Variants in PCDH19 observed in about 807,000 individuals in gnomAD.
The protein encoded by PCDH19 is protocadherin 19, also known as protocadherin-19.
A neutral mutation model predicts 46.2 loss-of-function variants in PCDH19; 6 were observed. That is an observed-to-expected ratio of 0.13 (90% confidence interval 0.07 to 0.26). PCDH19 has a LOEUF of 0.26. Among genes scored for constraint, PCDH19 ranks in the 10% least tolerant of loss-of-function variants. The probability of loss-of-function intolerance (pLI) is 1.00; values close to 1 mark genes in which losing one functional copy is unlikely to be tolerated. For missense variants in PCDH19, 740 were observed against 972.3 expected, an observed-to-expected ratio of 0.76 and a Z score of 3.18; for synonymous variants, 481 against 415.7, an observed-to-expected ratio of 1.16 and a Z score of -1.91.
At chrX:100,360,994 T>C (rs938740534) in intron 3 of PCDH19, among the ~76,000 whole-genome samples, 2 of 111,733 alleles carry the variant, frequency 1.8e-5, no homozygotes, top group East Asian at 5.6e-4. Context: ...TGAGGGTGGG[T>C]TAGAATTTGA....
At chrX:100,321,957 T>C (rs1473145909) in intron 5 of PCDH19, among the ~76,000 whole-genome samples, 1 of 105,977 alleles carries the variant, frequency 9.4e-6, no homozygotes, top group Non-Finnish European at 1.9e-5. Context: ...ACCCGGCTAA[T>C]TTTTTGTATT....
At chrX:100,320,051 T>C (rs963742600) in intron 5 of PCDH19, among the ~76,000 whole-genome samples, 6 of 111,456 alleles carry the variant, frequency 5.4e-5, no homozygotes, top group Non-Finnish European at 5.7e-5. Context: ...GCTCAGAATG[T>C]TGAACAAAAG....
intron 4 of PCDH19, among the ~76,000 whole-genome samples, chrX:100,347,630 T>C (rs1245133199): frequency 1.8e-5 from 2 of 111,526 alleles, no homozygotes; most frequent in East Asian, 5.6e-4. Context: ...GGTAGATAGA[T>C]GTAAAAGAGG....
Position 100,296,529 on chromosome X carries a change from G to T in PCDH19, c.3195C>A (p.Val1065=), listed in dbSNP as rs781312992. Reference sequence around the variant, plus strand: ...AGCTCTTGAGGTGGAGGGGGGAGGTGACAGGGCTAATCGCCTCACAGCCAT... The same window carrying T: ...AGCTCTTGAGGTGGAGGGGGGAGGTTACAGGGCTAATCGCCTCACAGCCAT... ...AGNGCEAISP[V]TSPLHLKSSL... Residue 1065 remains valine (V), a synonymous_variant, in exon 6 of 6, where the codon GTC becomes GTA. Coordinates refer to ENST00000373034, the MANE Select transcript of PCDH19 (RefSeq NM_001184880.2). 11 of 1,209,033 alleles carry T rather than the reference G, an allele frequency of 9.1e-6. No individual in the cohort carries two copies. In the African/African-American group the frequency reaches 1.6e-4, roughly 17 times the overall value.
intron 3 of PCDH19, among the ~76,000 whole-genome samples, chrX:100,379,347 AC>A (rs1409042700): frequency 3.1e-4 from 20 of 65,261 alleles, no homozygotes; most frequent in African/African-American, 1.9e-3. Context: ...ACACACACAC[AC>A]ATTTCCTCCC....
intron 5 of PCDH19, among the ~76,000 whole-genome samples, chrX:100,313,901 A>ACACTCACACT (rs1555974555): frequency 2.0e-5 from 2 of 102,079 alleles, no homozygotes; most frequent in Non-Finnish European, 2.0e-5. Flanking sequence ...ACACACACAC[A>ACACTCACACT]CACACAAAGT....
rs138147352 is a variant in PCDH19, at chrX:100,404,105, C to T, written c.2148-441G>A. 3.0e-4 allele frequency among the ~76,000 whole-genome samples: 34 copies of T among 111,810 alleles called. No homozygotes were observed. The East Asian group carries it at 9.0e-3, about 30-fold the overall frequency. On this transcript the variant is annotated intron_variant, in intron 1 of 5. Coordinates refer to ENST00000373034, the MANE Select transcript of PCDH19 (RefSeq NM_001184880.2). Reference sequence around the variant, plus strand: ...GAATGCATTTCAGGAAGAGGTTCTGCGGAGGCTTAGAAAAAGAAACCTCTG... The same window carrying T: ...GAATGCATTTCAGGAAGAGGTTCTGTGGAGGCTTAGAAAAAGAAACCTCTG...
At chrX:100,399,557 G>T (rs1030783210) in intron 3 of PCDH19, among the ~76,000 whole-genome samples, 3 of 111,624 alleles carry the variant, frequency 2.7e-5, no homozygotes, top group Non-Finnish European at 5.7e-5. Flanking sequence ...GATTTCATTG[G>T]ACCTAAGTAT....
rs745902930 is a variant in PCDH19 at position 100,334,871 on chromosome X, T to C, written c.2848+7032A>G. 9.1e-3 allele frequency among the ~76,000 whole-genome samples: 996 copies of C among 109,603 alleles called. 6 individuals carry two copies. The highest frequency in any genetic ancestry group is 0.015 in the Non-Finnish European group (792 of 52,858). On this transcript the variant is annotated intron_variant, in intron 5 of 5. Coordinates refer to ENST00000373034, the MANE Select transcript of PCDH19 (RefSeq NM_001184880.2). ...ACATATATATGTCTGTATATATATA[T>C]ATATATGTTGGGAAACACAATATGC...
At chrX:100,364,138 C>T (rs975577844) in intron 3 of PCDH19, among the ~76,000 whole-genome samples, 1 of 110,195 alleles carries the variant, frequency 9.1e-6, no homozygotes, top group Admixed American at 9.7e-5. Context: ...CACACATTAG[C>T]ATGCATAATT....
In PCDH19 at chrX:100,307,981, C is replaced by T. The variant is rs111915388; in HGVS notation, c.2849-11106G>A. On this transcript the variant is annotated intron_variant, in intron 5 of 5. Transcript: ENST00000373034. ...CGACCATACAGCCAAAAGCAATCTACAAGTTCAATGCAATTCCCATCAAAA... is the reference window on the plus strand; with the variant it reads ...CGACCATACAGCCAAAAGCAATCTATAAGTTCAATGCAATTCCCATCAAAA... Among the ~76,000 whole-genome samples, 757 of 111,000 alleles carry T rather than the reference C, an allele frequency of 6.8e-3. 3 individuals are homozygous for T. The highest frequency in any genetic ancestry group is 0.023 in the African/African-American group (711 of 30,568).
chrX:100,369,545 C>T (rs776047422), intron 3 of PCDH19, among the ~76,000 whole-genome samples: 5 of 112,321 alleles, frequency 4.5e-5, no homozygotes, highest in South Asian at 3.7e-4. Context: ...TTGTACTCAA[C>T]GTAACTAATT....
In PCDH19 at chrX:100,294,754, C is replaced by A. The variant is rs762036399; in HGVS notation, c.*1523G>T. 2 of 111,451 alleles carry A rather than the reference C, an allele frequency of 1.8e-5. No homozygotes were observed. Among genetic ancestry groups the A allele is most frequent in the South Asian group, 7.6e-4 (2 of 2,616 alleles). The allele number at this position is 111,451 out of a possible 1,213,427, so 9.2% of individuals were successfully genotyped here. Reference sequence around the variant, plus strand: ...TTAGTTTATTTTTAAATAATGAACTCTTAGGCTGCAAAAATACTATGTTGG... The same window carrying A: ...TTAGTTTATTTTTAAATAATGAACTATTAGGCTGCAAAAATACTATGTTGG... On this transcript the variant is annotated 3_prime_UTR_variant, in exon 6 of 6. Transcript: ENST00000373034.
At chrX:100,309,126 A>G (rs939852036) in intron 5 of PCDH19, among the ~76,000 whole-genome samples, 10 of 101,703 alleles carry the variant, frequency 9.8e-5, no homozygotes, top group African/African-American at 3.5e-4. Context: ...CCATCAATCA[A>G]TGAGAGGATA....
At chrX:100,356,638 T>A (rs1418522011) in intron 3 of PCDH19, among the ~76,000 whole-genome samples, 1 of 111,515 alleles carries the variant, frequency 9.0e-6, no homozygotes, top group Non-Finnish European at 1.9e-5. Flanking sequence ...AAAGGCACCA[T>A]CCCCAGCTGC....
intron 5 of PCDH19, among the ~76,000 whole-genome samples, chrX:100,333,839 G>A (rs1208922260): frequency 1.9e-5 from 2 of 103,871 alleles, no homozygotes; most frequent in East Asian, 3.0e-4. Context: ...ACCCAGGCTG[G>A]AGTGCAGTAG....
intron 3 of PCDH19, among the ~76,000 whole-genome samples, chrX:100,362,287 G>T (rs1015013916): frequency 9.0e-6 from 1 of 111,045 alleles, no homozygotes; most frequent in Admixed American, 9.6e-5. Context: ...CATCCTGGTC[G>T]GCTCAATACC....
chrX:100,388,468 T>C (rs1365899740), intron 3 of PCDH19, among the ~76,000 whole-genome samples: 1 of 110,817 alleles, frequency 9.0e-6, no homozygotes, highest in Non-Finnish European at 1.9e-5. Context: ...TATATCATAA[T>C]ATATTTAGCT....
chrX:100,370,889 C>T (rs1386715770), intron 3 of PCDH19, among the ~76,000 whole-genome samples: 2 of 108,620 alleles, frequency 1.8e-5, no homozygotes, highest in Non-Finnish European at 3.8e-5. Flanking sequence ...CAGCCATTAC[C>T]TTCATTAACA....
Sources: allele counts gnomAD v4.1 joint callset (sites outside exome capture counted in the v4.1 genomes callset), GRCh38; gene constraint gnomAD v4.1.1; transcripts MANE v1.5; gene names NCBI Gene and HGNC (gene_info 2026-07-23, HGNC 2026-07-21).